FHIP1A: variants seen among roughly 807,000 people sequenced by gnomAD.
FHIP1A encodes FHF complex subunit HOOK-interacting protein 1A.
FHIP1A carries 61 observed loss-of-function variants against 88.6 expected under a neutral mutation model. The ratio of observed to expected loss-of-function variants is 0.69; its 90% confidence interval spans 0.56 to 0.85. The LOEUF is 0.85. Ranked by LOEUF, FHIP1A falls within the 40% of genes least tolerant of loss-of-function variation. The probability of loss-of-function intolerance (pLI) is 0.00; values close to 1 mark genes in which losing one functional copy is unlikely to be tolerated. For missense variants in FHIP1A, 1,154 were observed against 1,273.5 expected, an observed-to-expected ratio of 0.91 and a Z score of 1.43; for synonymous variants, 478 against 496.0, an observed-to-expected ratio of 0.96 and a Z score of 0.48.
At chr4:151,618,272 G>T (rs749812415) in intron 7 of FHIP1A, among the ~76,000 whole-genome samples, 6 of 152,220 alleles carry the variant, frequency 3.9e-5, no homozygotes, top group Non-Finnish European at 8.8e-5. Flanking sequence ...ATTGAGATTA[G>T]CACTTAGTTT....
chr4:151,538,905 A>C (rs1732167086), intron 3 of FHIP1A, among the ~76,000 whole-genome samples: 1 of 152,256 alleles, frequency 6.6e-6, no homozygotes, highest in African/African-American at 2.4e-5. Flanking sequence ...ATAGTTTTAC[A>C]TAGGTATGGA....
In FHIP1A at chr4:151,656,512, T is replaced by C. The variant is rs1737246034; in HGVS notation, c.2730+102T>C. On this transcript the variant is annotated intron_variant, in intron 12 of 13. Transcript: ENST00000435205. The surrounding 1 kb of genome is among the most constrained non-coding windows in gnomAD (Gnocchi z 4.2). ...TTGTTTTTCAAAAATTCCTTTGCTCTAATTCATTTGCTTTCCTTCCCTGTC... is the reference window on the plus strand; with the variant it reads ...TTGTTTTTCAAAAATTCCTTTGCTCCAATTCATTTGCTTTCCTTCCCTGTC... The C allele has an allele frequency of 8.1e-7, 1 of 1,240,788 alleles. No individual in the cohort carries two copies. The highest frequency in any genetic ancestry group is 1.1e-6 in the Non-Finnish European group (1 of 895,608). The allele number at this position is 1,240,788 out of a possible 1,614,324, so 76.9% of individuals were successfully genotyped here.
chr4:151,566,983 A>G (rs182578574), intron 4 of FHIP1A, among the ~76,000 whole-genome samples: 12 of 152,204 alleles, frequency 7.9e-5, no homozygotes, highest in African/African-American at 2.9e-4. Context: ...GTGCTCTACC[A>G]TTTTGGGGCT....
At chr4:151,574,056 C>T (rs115230559) in intron 4 of FHIP1A, among the ~76,000 whole-genome samples, 36 of 152,326 alleles carry the variant, frequency 2.4e-4, no homozygotes, top group Non-Finnish European at 4.4e-4. Context: ...CTTGTAAAAG[C>T]AGGTCATGGG....
intron 3 of FHIP1A, among the ~76,000 whole-genome samples, chr4:151,530,457 C>T (rs1731831734): frequency 6.6e-6 from 1 of 152,186 alleles, no homozygotes. Flanking sequence ...ATGAATCACT[C>T]TTTCCTCATG....
chr4:151,533,960 C>T (rs1731976570), intron 3 of FHIP1A, among the ~76,000 whole-genome samples: 2 of 152,184 alleles, frequency 1.3e-5, no homozygotes, highest in Admixed American at 1.3e-4. Flanking sequence ...TTTTAGCCTG[C>T]AACTTAAAAT....
At chr4:151,604,985 G>A (rs980342663) in intron 7 of FHIP1A, among the ~76,000 whole-genome samples, 1 of 152,150 alleles carries the variant, frequency 6.6e-6, no homozygotes, top group African/African-American at 2.4e-5. Flanking sequence ...AACAAGTGAA[G>A]CAGTCTAATT....
intron 7 of FHIP1A, among the ~76,000 whole-genome samples, chr4:151,624,638 C>T (rs960259309): frequency 5.3e-5 from 8 of 152,116 alleles, no homozygotes; most frequent in Non-Finnish European, 1.2e-4. Context: ...CCTCAAAATA[C>T]GTTACTGAAA....
intron 7 of FHIP1A, among the ~76,000 whole-genome samples, chr4:151,625,365 T>C (rs1164557554): frequency 6.6e-6 from 1 of 152,178 alleles, no homozygotes; most frequent in Non-Finnish European, 1.5e-5. Context: ...GCCACCTGCC[T>C]GAGTGACAGA....
intron 1 of FHIP1A, among the ~76,000 whole-genome samples, chr4:151,413,580 G>C (rs542699683): frequency 6.6e-6 from 1 of 152,006 alleles, no homozygotes; most frequent in Admixed American, 6.6e-5. Context: ...TCAACCTCCC[G>C]AGTAGCTGGG....
intron 3 of FHIP1A, among the ~76,000 whole-genome samples, chr4:151,538,703 A>G (rs1470668611): frequency 1.3e-5 from 2 of 152,212 alleles, no homozygotes; most frequent in Non-Finnish European, 1.5e-5. Context: ...TTCTATACAG[A>G]GTCAAGTTAT....
intron 3 of FHIP1A, among the ~76,000 whole-genome samples, chr4:151,528,182 C>CAGTT (rs1244107949): frequency 6.6e-6 from 1 of 152,094 alleles, no homozygotes; most frequent in Non-Finnish European, 1.5e-5. Context: ...TTTTCATGGC[C>CAGTT]AGTTGAGTAG....
intron 3 of FHIP1A, among the ~76,000 whole-genome samples, chr4:151,494,883 T>G (rs1318086908): frequency 6.6e-6 from 1 of 152,214 alleles, no homozygotes; most frequent in Non-Finnish European, 1.5e-5. Flanking sequence ...CTTCTCATTG[T>G]AGAGATGTTT....
chr4:151,620,352 C>A (rs1735689684), intron 7 of FHIP1A, among the ~76,000 whole-genome samples: 3 of 152,288 alleles, frequency 2.0e-5, no homozygotes, highest in African/African-American at 2.4e-5. Flanking sequence ...CATCTGCTTA[C>A]CAAACTGTGG....
At chr4:151,449,861 G>C (rs956608105) in intron 1 of FHIP1A, among the ~76,000 whole-genome samples, 2 of 152,188 alleles carry the variant, frequency 1.3e-5, no homozygotes, top group Non-Finnish European at 2.9e-5. Context: ...ATGACAGTCT[G>C]TGAAGGTTTA....
chr4:151,445,470 G>T (rs939093362), intron 1 of FHIP1A, among the ~76,000 whole-genome samples: 1 of 151,960 alleles, frequency 6.6e-6, no homozygotes, highest in African/African-American at 2.4e-5. Context: ...GGAGTGGGGG[G>T]GTGGAGGAGT....
intron 6 of FHIP1A, 97 bp downstream of exon 6, chr4:151,586,896 TAATA>T (rs1734238622): frequency 1.0e-6 from 1 of 954,322 alleles, no homozygotes; most frequent in Non-Finnish European, 1.5e-6. Context: ...TTTAAAATGT[TAATA>T]AATGTTTATG....
At chr4:151,441,681 C>A (rs962273407) in intron 1 of FHIP1A, among the ~76,000 whole-genome samples, 2 of 152,126 alleles carry the variant, frequency 1.3e-5, no homozygotes, top group East Asian at 3.9e-4. Flanking sequence ...TCTGGTTATC[C>A]AGCCAGGAGA....
intron 7 of FHIP1A, among the ~76,000 whole-genome samples, chr4:151,607,092 C>T (rs1026275697): frequency 2.0e-5 from 3 of 152,138 alleles, no homozygotes; most frequent in Non-Finnish European, 4.4e-5. Context: ...CTCACACTTA[C>T]ACCCTTATCA....
Sources: gnomAD v4.1 joint callset for allele counts (sites outside exome capture counted in the v4.1 genomes callset) on GRCh38, gnomAD v4.1.1 for gene constraint, Gnocchi (gnomAD v3.1) non-coding constraint, MANE v1.5 for transcripts, NCBI Gene and HGNC (gene_info 2026-07-23, HGNC 2026-07-21) for gene names.